The following ESRRG variants were observed in gnomAD, a reference collection of about 807,000 sequenced individuals.
The protein encoded by ESRRG is estrogen-related receptor gamma.
In ESRRG, 13 loss-of-function variants were observed where a neutral mutation model predicts 44.0. That is an observed-to-expected ratio of 0.30 (90% CI 0.19 to 0.47). ESRRG has a LOEUF of 0.47. ESRRG is among the 20% of genes least tolerant of loss of function. ESRRG has a pLI of 1.00. For synonymous variants in ESRRG, 215 were observed against 214.6 expected, an observed-to-expected ratio of 1.00 and a Z score of -0.02; for missense variants, 395 against 580.6, an observed-to-expected ratio of 0.68 and a Z score of 3.29.
chr1:216,688,546 G>C (rs1575332460), intron 1 of ESRRG, among the ~76,000 whole-genome samples: 1 of 152,108 alleles, frequency 6.6e-6, no homozygotes. Flanking sequence ...CAAGGCTTTG[G>C]TTCTCAGTGA....
intron 3 of ESRRG, among the ~76,000 whole-genome samples, chr1:216,639,263 C>A (rs1347233952): frequency 6.6e-6 from 1 of 152,108 alleles, no homozygotes; most frequent in Non-Finnish European, 1.5e-5. Context: ...AACAATCCCC[C>A]ACCCGCTCCC....
chr1:216,734,160 T>C (rs1290203696), intron 2 of ESRRG, among the ~76,000 whole-genome samples: 1 of 152,090 alleles, frequency 6.6e-6, no homozygotes, highest in Non-Finnish European at 1.5e-5. Flanking sequence ...CTGCCTTCCA[T>C]TGAGTAAACT....
rs566537253 is a variant in ESRRG, at chr1:216,786,919, G to A, written c.-13-109428C>T. On this transcript the variant is annotated intron_variant, in intron 2 of 7. Coordinates refer to the ESRRG transcript ENST00000359162. ...AGTGACATACATAACATTTTAGTAC[G>A]GGCATACCTTGTTTTATTGCACTTC... Among the ~76,000 whole-genome samples the A allele has an allele frequency of 5.3e-5, 8 of 152,150 alleles. No homozygotes were observed. The East Asian group carries it at 7.7e-4, about 15-fold the overall frequency.
intron 3 of ESRRG, among the ~76,000 whole-genome samples, chr1:216,637,272 A>T (rs2065477702): frequency 6.6e-6 from 1 of 152,220 alleles, no homozygotes; most frequent in African/African-American, 2.4e-5. Flanking sequence ...TCTAGGATAA[A>T]GCAGAAATAC....
chr1:216,962,569 TTTTTC>T (rs1371540175), intron 1 of ESRRG, among the ~76,000 whole-genome samples: 4 of 152,260 alleles, frequency 2.6e-5, no homozygotes, highest in Admixed American at 6.5e-5. Flanking sequence ...TTTTTTTTCT[TTTTTC>T]TTTTCTTTTC....
At chr1:216,978,436 C>A (rs2073360589) in intron 1 of ESRRG, among the ~76,000 whole-genome samples, 1 of 152,142 alleles carries the variant, frequency 6.6e-6, no homozygotes. Context: ...AAAATTGGTA[C>A]TAAAACCCAC....
chr1:216,730,462 G>A (rs1445962122), intron 2 of ESRRG, among the ~76,000 whole-genome samples: 1 of 151,846 alleles, frequency 6.6e-6, no homozygotes. Flanking sequence ...TTTCCTTCAG[G>A]GATTCAGTTT....
intron 2 of ESRRG, among the ~76,000 whole-genome samples, chr1:216,773,884 A>G (rs964424398): frequency 7.9e-5 from 12 of 152,124 alleles, no homozygotes; most frequent in African/African-American, 2.7e-4. Flanking sequence ...TCTAGTCACA[A>G]TATGCCCAAG....
intron 2 of ESRRG, among the ~76,000 whole-genome samples, chr1:216,815,499 A>C (rs1308202808): frequency 2.0e-5 from 3 of 152,156 alleles, no homozygotes; most frequent in Non-Finnish European, 2.9e-5. Flanking sequence ...CTAATCCAGA[A>C]AATTTCCAGA....
intron 1 of ESRRG, among the ~76,000 whole-genome samples, chr1:216,968,350 T>G (rs1177405378): frequency 6.6e-6 from 1 of 152,190 alleles, no homozygotes; most frequent in African/African-American, 2.4e-5. Flanking sequence ...TTCTAAAAGT[T>G]TTATGGTTTT....
chr1:217,040,047 G>C (rs578073752), intron 1 of ESRRG, among the ~76,000 whole-genome samples: 38 of 152,310 alleles, frequency 2.5e-4, no homozygotes, highest in African/African-American at 9.1e-4. Context: ...ATGAGACAGA[G>C]AGTGTGTGTA....
intron 2 of ESRRG, among the ~76,000 whole-genome samples, chr1:216,668,931 G>T (rs1156991861): frequency 6.6e-6 from 1 of 152,158 alleles, no homozygotes; most frequent in Non-Finnish European, 1.5e-5. Flanking sequence ...AAACTGCCTA[G>T]GAAATCCTTT....
At chr1:216,645,525 A>T (rs566259207) in intron 3 of ESRRG, among the ~76,000 whole-genome samples, 5 of 152,196 alleles carry the variant, frequency 3.3e-5, no homozygotes, top group Non-Finnish European at 7.4e-5. Context: ...AGATGAATGG[A>T]CTTGCTCCAA....
chr1:216,682,593 T>A (rs2077206254), intron 1 of ESRRG, among the ~76,000 whole-genome samples: 1 of 152,178 alleles, frequency 6.6e-6, no homozygotes, highest in South Asian at 2.1e-4. Flanking sequence ...TAATCACTAC[T>A]GATTCAAAAC....
chr1:217,040,276 T>C (rs1395761366), intron 1 of ESRRG, among the ~76,000 whole-genome samples: 1 of 152,154 alleles, frequency 6.6e-6, no homozygotes, highest in African/African-American at 2.4e-5. Context: ...ACTAGGCTGG[T>C]GAGTTCAAAT....
intron 1 of ESRRG, among the ~76,000 whole-genome samples, chr1:217,118,152 G>T (rs1305351215): frequency 1.3e-5 from 2 of 152,176 alleles, no homozygotes; most frequent in Non-Finnish European, 2.9e-5. Context: ...CTTCATCCAT[G>T]TGGGGAAACT....
chr1:216,850,758 G>A (rs2095829977), intron 2 of ESRRG, among the ~76,000 whole-genome samples: 1 of 151,874 alleles, frequency 6.6e-6, no homozygotes, highest in Admixed American at 6.6e-5. Flanking sequence ...TTACAAAATG[G>A]AAATAAGATT....
At chr1:216,832,105 G>A (rs187480293) in intron 2 of ESRRG, among the ~76,000 whole-genome samples, 1 of 152,234 alleles carries the variant, frequency 6.6e-6, no homozygotes, top group Admixed American at 6.5e-5. Context: ...AGTGCATTTT[G>A]TCTTATGAGC....
At chr1:217,050,319 T>C (rs933405122) in intron 1 of ESRRG, among the ~76,000 whole-genome samples, 4 of 152,292 alleles carry the variant, frequency 2.6e-5, no homozygotes, top group South Asian at 2.1e-4. Context: ...ATGAGAAAGA[T>C]CTTGATAAAA....
Sources: allele counts gnomAD v4.1 joint callset (sites outside exome capture counted in the v4.1 genomes callset), GRCh38; gene constraint gnomAD v4.1.1; transcripts MANE v1.5; gene names NCBI Gene and HGNC (gene_info 2026-07-23, HGNC 2026-07-21).